Variants in MCPH1 observed in about 807,000 individuals in gnomAD.
MCPH1 encodes microcephalin 1.
Under a neutral mutation model 84.5 loss-of-function variants are expected in MCPH1, and 104 were observed. The ratio of observed to expected loss-of-function variants is 1.23; its 90% CI spans 1.05 to 1.45. The LOEUF is 1.45. Ranked by LOEUF, MCPH1 falls within the 40% of genes most tolerant of loss-of-function variation. The pLI, the probability that MCPH1 is intolerant of heterozygous loss-of-function variation, is 0.00. For synonymous variants in MCPH1, 514 were observed against 366.8 expected, an observed-to-expected ratio of 1.40 and a Z score of -4.58; for missense variants, 1,498 against 1,005.7, an observed-to-expected ratio of 1.49 and a Z score of -6.62.
chr8:6,540,643 G>T (rs1253032140), intron 12 of MCPH1, among the ~76,000 whole-genome samples: 1 of 152,256 alleles, frequency 6.6e-6, no homozygotes, highest in Non-Finnish European at 1.5e-5. Context: ...AGTTACAGCA[G>T]CTTACAATGA....
chr8:6,638,154 C>T (rs1418252624), intron 13 of MCPH1, among the ~76,000 whole-genome samples: 2 of 152,134 alleles, frequency 1.3e-5, no homozygotes, highest in South Asian at 2.1e-4. Context: ...TTATGAGAAA[C>T]GACTCTAGGA....
intron 12 of MCPH1, among the ~76,000 whole-genome samples, chr8:6,605,213 T>C (rs1829664686): frequency 6.6e-6 from 1 of 152,154 alleles, no homozygotes; most frequent in Admixed American, 6.5e-5. Flanking sequence ...TGGGGGAATT[T>C]TATATTCTTT....
intron 12 of MCPH1, among the ~76,000 whole-genome samples, chr8:6,574,002 A>G (rs1323920613): frequency 1.3e-5 from 2 of 152,240 alleles, no homozygotes; most frequent in Non-Finnish European, 2.9e-5. Context: ...TGGGTCTCAA[A>G]ACATTCTTAC....
chr8:6,608,225 G>T (rs888315551), intron 12 of MCPH1, among the ~76,000 whole-genome samples: 5 of 152,216 alleles, frequency 3.3e-5, no homozygotes, highest in African/African-American at 1.2e-4. Flanking sequence ...ACAATGCCAG[G>T]CCTCACCTGC....
At chr8:6,473,767 G>T in intron 9 of MCPH1, 1 of 819,582 alleles carries the variant, frequency 1.2e-6, no homozygotes. Context: ...AAGCGTTCCT[G>T]ATACTTAAAC....
intron 11 of MCPH1, among the ~76,000 whole-genome samples, chr8:6,489,210 A>C (rs1156230571): frequency 6.6e-6 from 1 of 152,116 alleles, no homozygotes; most frequent in Non-Finnish European, 1.5e-5. Context: ...TTAACTATTC[A>C]CTCCAGCCAT....
chr8:6,531,332 A>G (rs1047532912), intron 12 of MCPH1, among the ~76,000 whole-genome samples: 1 of 146,060 alleles, frequency 6.8e-6, no homozygotes, highest in Non-Finnish European at 1.5e-5. Context: ...TCTGTTGCCC[A>G]GGCTGGAGTG....
intron 13 of MCPH1, among the ~76,000 whole-genome samples, chr8:6,624,340 C>G (rs1831833846): frequency 6.6e-6 from 1 of 152,212 alleles, no homozygotes; most frequent in African/African-American, 2.4e-5. Context: ...ATTGTGTGTG[C>G]TGCAGACCTC....
At chr8:6,451,905 T>C (rs1003982384) in intron 8 of MCPH1, among the ~76,000 whole-genome samples, 1 of 152,274 alleles carries the variant, frequency 6.6e-6, no homozygotes, top group Non-Finnish European at 1.5e-5. Context: ...TAGTGCATTG[T>C]AAGAGTAAAT....
rs1798111820 is a variant in MCPH1 at position 6,644,397 on chromosome 8, T to A, written c.*1348T>A. 1.3e-5 allele frequency: 2 copies of A among 152,032 alleles called. No individual in the cohort carries two copies. The highest frequency in any genetic ancestry group is 2.9e-5 in the Non-Finnish European group (2 of 68,022). The allele number at this position is 152,032 out of a possible 1,614,324, so 9.4% of individuals were successfully genotyped here. A position where few individuals can be genotyped will look rare whatever the true frequency, so the allele number is the denominator to read the frequency against. On this transcript the variant is annotated 3_prime_UTR_variant, in exon 14 of 14. Coordinates refer to ENST00000344683, the MANE Select transcript of MCPH1 (RefSeq NM_024596.5). ...AAAGGCATCCAAATAGGAAAAGAAGTCAAACTGTCTCTCTTCACTGCCGAT... is the reference window on the plus strand; with the variant it reads ...AAAGGCATCCAAATAGGAAAAGAAGACAAACTGTCTCTCTTCACTGCCGAT...
chr8:6,527,685 A>G, intron 12 of MCPH1: 1 of 1,597,232 alleles, frequency 6.3e-7, no homozygotes. Flanking sequence ...ACCTAAATGT[A>G]ACAAAATGAA....
intron 12 of MCPH1, among the ~76,000 whole-genome samples, chr8:6,524,766 C>T (rs1182164813): frequency 1.3e-5 from 2 of 152,198 alleles, no homozygotes; most frequent in African/African-American, 4.8e-5. Context: ...ACCCTTGTGG[C>T]CATGTAAGGT....
At chr8:6,454,937 C>G (rs545294568) in intron 8 of MCPH1, among the ~76,000 whole-genome samples, 1 of 152,198 alleles carries the variant, frequency 6.6e-6, no homozygotes, top group African/African-American at 2.4e-5. Context: ...TTGTTACCGA[C>G]CATTGAATTA....
At chr8:6,494,052 T>G (rs912006471) in intron 11 of MCPH1, 1 of 152,214 alleles carries the variant, frequency 6.6e-6, no homozygotes, top group Non-Finnish European at 1.5e-5. Context: ...GCAATTCTTG[T>G]GCCTCAGCCT....
chr8:6,479,392 ATTTC>A (rs1019146520), intron 10 of MCPH1, among the ~76,000 whole-genome samples: 1 of 151,060 alleles, frequency 6.6e-6, no homozygotes, highest in Non-Finnish European at 1.5e-5. Flanking sequence ...AGAGATGTTT[ATTTC>A]TTTTTCTATT....
intron 12 of MCPH1, among the ~76,000 whole-genome samples, chr8:6,568,350 G>C (rs939898737): frequency 6.6e-6 from 1 of 151,428 alleles, no homozygotes. Context: ...ACCATCCCAG[G>C]TTCCCCCAGA....
At chr8:6,415,220 G>A (rs1018428705) in intron 3 of MCPH1, among the ~76,000 whole-genome samples, 2 of 151,756 alleles carry the variant, frequency 1.3e-5, no homozygotes, top group African/African-American at 4.8e-5. Flanking sequence ...GGTCGCTTGA[G>A]CAACAGAAAA....
intron 12 of MCPH1, chr8:6,562,944 A>G (rs1586642838): frequency 6.3e-7 from 1 of 1,575,518 alleles, no homozygotes; most frequent in Admixed American, 1.7e-5. Context: ...TTCTTTCTTC[A>G]GTAATAAACC....
At chr8:6,536,766 C>G (rs1183544347) in intron 12 of MCPH1, among the ~76,000 whole-genome samples, 3 of 152,164 alleles carry the variant, frequency 2.0e-5, no homozygotes, top group Non-Finnish European at 4.4e-5. Context: ...ACAAAGCCAT[C>G]TGGCTCATCC....
Sources: allele counts gnomAD v4.1 joint callset (sites outside exome capture counted in the v4.1 genomes callset), GRCh38; gene constraint gnomAD v4.1.1; transcripts MANE v1.5; gene names NCBI Gene and HGNC (gene_info 2026-07-23, HGNC 2026-07-21).